FBLN2: variants seen among roughly 807,000 people sequenced by gnomAD.
The protein encoded by FBLN2 is fibulin 2.
A neutral mutation model predicts 123.7 loss-of-function variants in FBLN2; 81 were observed. The ratio of observed to expected loss-of-function variants is 0.65; its 90% CI spans 0.55 to 0.79. FBLN2 has a LOEUF of 0.79. Among genes scored for constraint, FBLN2 ranks in the 30% least tolerant of loss-of-function variants. The pLI is 0.00. For missense variants in FBLN2, 1,603 were observed against 1,681.3 expected (o/e 0.95, Z 0.81); for synonymous variants, 699 against 701.4 (o/e 1.00, Z 0.05).
intron 16 of FBLN2, among the ~76,000 whole-genome samples, chr3:13,635,896 G>A (rs1432137664): frequency 2.6e-5 from 4 of 152,192 alleles, no homozygotes; most frequent in Admixed American, 6.5e-5. Context: ...TGGAGCCATA[G>A]GAGGATGATA....
intron 2 of FBLN2, among the ~76,000 whole-genome samples, chr3:13,595,256 G>T (rs2124861816): frequency 6.6e-6 from 1 of 152,298 alleles, no homozygotes; most frequent in Non-Finnish European, 1.5e-5. Flanking sequence ...GCCACAGAAA[G>T]CAGTGGGGAT....
intron 2 of FBLN2, among the ~76,000 whole-genome samples, chr3:13,601,758 C>T (rs1008214492): frequency 6.6e-6 from 1 of 152,208 alleles, no homozygotes; most frequent in African/African-American, 2.4e-5. Context: ...AGAAAGTAAA[C>T]TCATCCACAA....
intron 2 of FBLN2, among the ~76,000 whole-genome samples, chr3:13,577,239 AAAG>A (rs1297585039): frequency 6.6e-6 from 1 of 151,658 alleles, no homozygotes; most frequent in African/African-American, 2.4e-5. Context: ...AAAAAAAAAA[AAAG>A]CACAGTGAGA....
intron 2 of FBLN2, among the ~76,000 whole-genome samples, chr3:13,588,083 A>G (rs2124851274): frequency 6.6e-6 from 1 of 152,174 alleles, no homozygotes; most frequent in Middle Eastern, 3.4e-3. Flanking sequence ...CCTGTCTCAG[A>G]TTTTCTGGGC....
At chr3:13,570,143 A>G (rs987786285) in intron 1 of FBLN2, among the ~76,000 whole-genome samples, 172 bp from the exon 2 acceptor site, 16 of 152,148 alleles carry the variant, frequency 1.1e-4, no homozygotes, top group Admixed American at 2.0e-4. Flanking sequence ...GATCTGACCC[A>G]TGTGTGGCGG....
At chr3:13,618,558 A>C (rs56775300) in intron 6 of FBLN2, among the ~76,000 whole-genome samples, 6,261 of 152,288 alleles carry the variant, frequency 0.041, 437 homozygotes, top group African/African-American at 0.14. Flanking sequence ...GGCTCTCACC[A>C]AAACCCAGCT....
intron 2 of FBLN2, among the ~76,000 whole-genome samples, chr3:13,603,510 A>G (rs9755274): frequency 0.42 from 62,805 of 151,044 alleles, 13,108 homozygotes; most frequent in Non-Finnish European, 0.43. Flanking sequence ...CCTTGCAATA[A>G]TTTGCTCAGA....
chr3:13,629,402 C>A, intron 13 of FBLN2, 110 bp downstream of exon 13: 2 of 1,376,828 alleles, frequency 1.5e-6, no homozygotes, highest in Non-Finnish European at 1.9e-6. Context: ...TGGGGCCCAC[C>A]TGCTGGAGTC....
intron 2 of FBLN2, among the ~76,000 whole-genome samples, chr3:13,592,150 C>T (rs1453793079): frequency 4.0e-5 from 6 of 151,854 alleles, no homozygotes; most frequent in Non-Finnish European, 7.4e-5. Context: ...CTCAGCCTCC[C>T]GAGTAGCTGG....
chr3:13,580,056 G>C (rs11925439), intron 2 of FBLN2, among the ~76,000 whole-genome samples: 20,293 of 152,180 alleles, frequency 0.13, 2,152 homozygotes, highest in East Asian at 0.36. Context: ...CGTGTATCGG[G>C]AGGGGGTCTT....
intron 2 of FBLN2, among the ~76,000 whole-genome samples, chr3:13,596,084 G>T (rs933199833): frequency 1.3e-5 from 2 of 152,204 alleles, no homozygotes; most frequent in African/African-American, 4.8e-5. Context: ...TTTCATGTAA[G>T]TGCATGCAGA....
chr3:13,572,379 C>G (rs1283641928), intron 2 of FBLN2, among the ~76,000 whole-genome samples: 1 of 152,220 alleles, frequency 6.6e-6, no homozygotes, highest in East Asian at 1.9e-4. Flanking sequence ...GTGCTTACTA[C>G]TATGTACGCT....
At chr3:13,584,253 T>A (rs550737357) in intron 2 of FBLN2, among the ~76,000 whole-genome samples, 1 of 152,366 alleles carries the variant, frequency 6.6e-6, no homozygotes, top group South Asian at 2.1e-4. Context: ...TACAGGCACC[T>A]GCTTGCTGCC....
At chr3:13,590,861 G>A (rs959652388) in intron 2 of FBLN2, among the ~76,000 whole-genome samples, 1 of 152,230 alleles carries the variant, frequency 6.6e-6, no homozygotes, top group African/African-American at 2.4e-5. Context: ...GCTGCACACT[G>A]TTGCTGTGAG....
intron 2 of FBLN2, among the ~76,000 whole-genome samples, chr3:13,575,731 G>A (rs1157692752): frequency 6.6e-6 from 1 of 152,074 alleles, no homozygotes; most frequent in Non-Finnish European, 1.5e-5. Flanking sequence ...CAGAAACCCT[G>A]GAAGCTGCAC....
chr3:13,627,228 A>C (rs553977072), intron 10 of FBLN2, among the ~76,000 whole-genome samples: 61 of 152,100 alleles, frequency 4.0e-4, no homozygotes, highest in Non-Finnish European at 7.6e-4. Context: ...GTGTTCAGGC[A>C]GAGGGGGCAG....
chr3:13,620,462 C>T (rs1042819835), intron 8 of FBLN2, among the ~76,000 whole-genome samples: 7 of 152,196 alleles, frequency 4.6e-5, no homozygotes, highest in Admixed American at 2.0e-4. Context: ...ATGAAGGACA[C>T]TGGTGATGAT....
At chr3:13,600,177 T>G (rs1574972488) in intron 2 of FBLN2, among the ~76,000 whole-genome samples, 5 of 151,354 alleles carry the variant, frequency 3.3e-5, no homozygotes, top group Admixed American at 2.6e-4. Flanking sequence ...AGAATCAGGG[T>G]GGAGGGCGGG....
chr3:13,552,640 C>G (rs1266195340), intron 1 of FBLN2, among the ~76,000 whole-genome samples: 1 of 152,166 alleles, frequency 6.6e-6, no homozygotes, highest in Non-Finnish European at 1.5e-5. Flanking sequence ...AGGGCTGTAC[C>G]TCCAGCCAGG....
Sources: allele counts gnomAD v4.1 joint callset (sites outside exome capture counted in the v4.1 genomes callset), GRCh38; gene constraint gnomAD v4.1.1; transcripts MANE v1.5; gene names NCBI Gene and HGNC (gene_info 2026-07-23, HGNC 2026-07-21).